COL4A2: variants seen among roughly 807,000 people sequenced by gnomAD.
COL4A2 encodes collagen type IV alpha 2 chain, also known as collagen alpha-2(IV) chain.
In COL4A2, 99 loss-of-function variants were observed where a neutral mutation model predicts 200.2. That is an observed-to-expected ratio of 0.49 (90% CI 0.42 to 0.58). The LOEUF (loss-of-function observed/expected upper bound fraction) is 0.58, where lower values mean the gene tolerates loss of function less well. COL4A2 is among the 20% of genes least tolerant of loss of function. The pLI is 0.00. For missense variants in COL4A2, 1,950 were observed against 2,314.1 expected, an observed-to-expected ratio of 0.84 and a Z score of 3.23; for synonymous variants, 897 against 900.6, an observed-to-expected ratio of 1.00 and a Z score of 0.07.
rs780042932 is a variant in COL4A2, at chr13:110,462,416, C to T, written c.1776+32C>T. ...AGCCACAAACTGCGGCAGCTCCGTC[C>T]TCTCTTCTTCATCCTTCAGGTTCTC... On this transcript the variant is annotated intron_variant, in intron 24 of 47. Transcript: ENST00000360467. The T allele has an allele frequency of 2.8e-5, 45 of 1,604,480 alleles. No individual in the cohort carries two copies. In the East Asian group the frequency reaches 7.8e-4, roughly 28 times the overall value.
chr13:110,469,091 G>GAT (rs1882362090), intron 27 of COL4A2, 126 bp from the exon 28 acceptor site: 1 of 1,078,838 alleles, frequency 9.3e-7, no homozygotes, highest in African/African-American at 1.6e-5. Context: ...GTTTCAGGCT[G>GAT]ATATTCCCCC....
Position 110,501,673 on chromosome 13 carries a change from C to T in COL4A2, c.3766C>T (p.Arg1256Ter), listed in dbSNP as rs374366470. The T allele has an allele frequency of 3.1e-6, 5 of 1,613,424 alleles. No homozygotes were observed. The highest frequency in any genetic ancestry group is 1.1e-5 in the South Asian group (1 of 91,074). Residue 1256 changes from arginine to a stop codon, truncating the protein, a stop_gained, in exon 41 of 48, where the codon CGA becomes TGA. Transcript: ENST00000360467. LOFTEE classifies it high-confidence loss of function. The stretch of plus-strand genomic sequence containing the variant: ...TCTTCTGTTTTCATCCTAAGGGGAA[C>T]GAGGCCCACCTGGGAGCCCAGGACT... ...QKGDQGAPGE[R>*]GPPGSPGLQG...
chr13:110,468,302 C>T, intron 27 of COL4A2: 2 of 471,432 alleles, frequency 4.2e-6, no homozygotes, highest in South Asian at 1.5e-5. Context: ...TTCCGCGTTC[C>T]ATTAGACCTG....
intron 40 of COL4A2, 42 bp downstream of exon 40, chr13:110,495,509 C>T (rs748561220): frequency 6.3e-7 from 1 of 1,596,632 alleles, no homozygotes; most frequent in Non-Finnish European, 8.5e-7. Flanking sequence ...GTCCCAGTAA[C>T]CAGAACCCAC....
intron 36 of COL4A2, among the ~76,000 whole-genome samples, chr13:110,490,664 C>T (rs573423524): frequency 4.1e-4 from 63 of 152,318 alleles, no homozygotes; most frequent in African/African-American, 1.4e-3. Context: ...CTGAGCCATC[C>T]GGCGCTGGGC....
At chr13:110,448,875 C>T (rs77812380) in intron 18 of COL4A2, among the ~76,000 whole-genome samples, 1,556 of 152,292 alleles carry the variant, frequency 0.01, 22 homozygotes, top group African/African-American at 0.036. Context: ...AAGCGCAGGG[C>T]GTTGAGTTCC....
chr13:110,388,822 C>T (rs1878872925), intron 4 of COL4A2, among the ~76,000 whole-genome samples: 1 of 152,194 alleles, frequency 6.6e-6, no homozygotes, highest in South Asian at 2.1e-4. Flanking sequence ...CTTCCGGGAC[C>T]TCCCCCTGCC....
intron 16 of COL4A2, 53 bp downstream of exon 16, chr13:110,439,886 A>G: frequency 1.3e-6 from 2 of 1,586,036 alleles, no homozygotes; most frequent in Non-Finnish European, 1.7e-6. Flanking sequence ...CATCCCACAG[A>G]GGTTAAATAA....
intron 13 of COL4A2, 105 bp downstream of exon 13, chr13:110,436,472 C>T (rs1880890966): frequency 2.8e-6 from 4 of 1,425,696 alleles, no homozygotes; most frequent in Non-Finnish European, 3.7e-6. Context: ...AAAAGCCTCA[C>T]CACCAACTTG....
intron 3 of COL4A2, among the ~76,000 whole-genome samples, chr13:110,324,403 G>A (rs1224005687): frequency 6.6e-6 from 1 of 152,208 alleles, no homozygotes; most frequent in Non-Finnish European, 1.5e-5. Context: ...TGATATTGAG[G>A]CTACTGGAGG....
At chr13:110,474,694 C>T (rs1882617443) in intron 29 of COL4A2, among the ~76,000 whole-genome samples, 2 of 137,554 alleles carry the variant, frequency 1.5e-5, no homozygotes, top group South Asian at 2.4e-4. Context: ...TACCCACACA[C>T]GTGCCTGTGT....
chr13:110,334,098 T>A (rs1482548570), intron 3 of COL4A2, among the ~76,000 whole-genome samples: 1 of 152,250 alleles, frequency 6.6e-6, no homozygotes, highest in Non-Finnish European at 1.5e-5. Flanking sequence ...GTGTGGCCTG[T>A]GTCCCCAGGT....
rs532847935 is a variant in COL4A2 at position 110,381,413 on chromosome 13, A to G, written c.180+23861A>G. Reference sequence around the variant, plus strand: ...GTAGCCAGATTTCTTTAGGAAAAAAATGATTCTTTAAAAATCTAAAATACT... The same window carrying G: ...GTAGCCAGATTTCTTTAGGAAAAAAGTGATTCTTTAAAAATCTAAAATACT... On this transcript the variant is annotated intron_variant, in intron 4 of 47. Transcript: ENST00000360467. Among the ~76,000 whole-genome samples the G allele has an allele frequency of 6.6e-5, 10 of 152,352 alleles. No individual in the cohort carries two copies. In the East Asian group the frequency reaches 1.9e-3, roughly 29 times the overall value.
chr13:110,456,291 A>G (rs923362827), intron 20 of COL4A2: 6 of 205,150 alleles, frequency 2.9e-5, no homozygotes, highest in Non-Finnish European at 4.9e-5. Flanking sequence ...CAGTTATCCT[A>G]ACTCCGTGTG....
Position 110,512,519 on chromosome 13 carries a change from A to C in COL4A2, c.*328A>C. The C allele has an allele frequency of 6.4e-6, 2 of 310,198 alleles. No homozygotes were observed. Among genetic ancestry groups the C allele is most frequent in the Non-Finnish European group, 6.0e-6 (1 of 168,040 alleles). The allele number at this position is 310,198 out of a possible 1,614,324, so 19.2% of individuals were successfully genotyped here. ...CACTTTCCAATGCCACAGACAACTC[A>C]CATTGTTCAACTCCCTTCTCGGGGT... On this transcript the variant is annotated 3_prime_UTR_variant, in exon 48 of 48. Transcript: ENST00000360467.
At chr13:110,329,639 A>G (rs1875812268) in intron 3 of COL4A2, among the ~76,000 whole-genome samples, 1 of 152,264 alleles carries the variant, frequency 6.6e-6, no homozygotes, top group South Asian at 2.1e-4. Flanking sequence ...AGTCAATAAC[A>G]TGCCTGAGGC....
Position 110,465,524 on chromosome 13 carries a change from T to C in COL4A2, c.1896T>C (p.Arg632=). The C allele has an allele frequency of 6.2e-7, 1 of 1,613,968 alleles. No individual in the cohort carries two copies. The highest frequency in any genetic ancestry group is 1.1e-5 in the South Asian group (1 of 91,076). ...GCCTTCCCGGCCTCAAAGGCCAACG[T>C]GGTTTCCCTGGAGACGCCGGCTTAC... ...GLGLPGLKGQ[R]GFPGDAGLPG... Residue 632 remains arginine (R), a synonymous_variant, in exon 25 of 48, where the codon CGT becomes CGC. Coordinates refer to ENST00000360467, the MANE Select transcript of COL4A2 (RefSeq NM_001846.4).
intron 4 of COL4A2, among the ~76,000 whole-genome samples, chr13:110,371,950 G>T (rs1878029790): frequency 6.6e-6 from 1 of 152,154 alleles, no homozygotes; most frequent in African/African-American, 2.4e-5. Context: ...TCATGGAGGG[G>T]AAAGGAGGCA....
chr13:110,380,025 G>A (rs1433610496), intron 4 of COL4A2, among the ~76,000 whole-genome samples: 2 of 152,230 alleles, frequency 1.3e-5, no homozygotes, highest in African/African-American at 4.8e-5. Context: ...GCAATGGCCT[G>A]TGTTGCCAGC....
Sources: gnomAD v4.1 joint callset for allele counts (sites outside exome capture counted in the v4.1 genomes callset) on GRCh38, gnomAD v4.1.1 for gene constraint, MANE v1.5 for transcripts, NCBI Gene and HGNC (gene_info 2026-07-23, HGNC 2026-07-21) for gene names.